Variants in ADAM20 observed in about 807,000 individuals in gnomAD.
ADAM20 encodes disintegrin and metalloproteinase domain-containing protein 20.
For synonymous variants in ADAM20, 305 were observed against 310.2 expected, an observed-to-expected ratio of 0.98 and a Z score of 0.18; for missense variants, 871 against 883.2, an observed-to-expected ratio of 0.99 and a Z score of 0.18.
chr14:70,533,237 A>C (rs1002828317), intron 1 of ADAM20, among the ~76,000 whole-genome samples: 2 of 152,182 alleles, frequency 1.3e-5, no homozygotes, highest in African/African-American at 4.8e-5. Flanking sequence ...TAACCCAGCA[A>C]TCCCATTACT....
chr14:70,536,675 G>T (rs896373837), upstream of ADAM20, among the ~76,000 whole-genome samples: 1 of 151,960 alleles, frequency 6.6e-6, no homozygotes, highest in Non-Finnish European at 1.5e-5. Flanking sequence ...GCTAAGGCCA[G>T]CATGACCATA....
At chr14:70,553,304 T>A in the ADAM20 span, among the ~76,000 whole-genome samples, 47 of 23,948 alleles carry the variant, frequency 2.0e-3, no homozygotes, top group Middle Eastern at 0.042. Flanking sequence ...AAACTTAGAG[T>A]ATAATAAAAA....
chr14:70,526,216 T>A (rs982901763), intron 1 of ADAM20, among the ~76,000 whole-genome samples: 2 of 152,220 alleles, frequency 1.3e-5, no homozygotes, highest in Admixed American at 1.3e-4. Flanking sequence ...GAAATCAAAA[T>A]GTTAAAACAA....
At chr14:70,540,177 C>T in the ADAM20 span, among the ~76,000 whole-genome samples, 1 of 152,152 alleles carries the variant, frequency 6.6e-6, no homozygotes, top group African/African-American at 2.4e-5. Flanking sequence ...CTGTGCCTGG[C>T]CCCTAGCCCT....
the ADAM20 span, among the ~76,000 whole-genome samples, chr14:70,554,429 G>T: frequency 6.6e-6 from 1 of 152,122 alleles, no homozygotes; most frequent in African/African-American, 2.4e-5. Flanking sequence ...AGAGATAACT[G>T]CACTCTCATG....
At chr14:70,535,382 A>G (rs1388970737), upstream of ADAM20, among the ~76,000 whole-genome samples, 1 of 152,228 alleles carries the variant, frequency 6.6e-6, no homozygotes, top group Non-Finnish European at 1.5e-5. Flanking sequence ...ATACATAGAT[A>G]CGTCAAGGGA....
intron 1 of ADAM20, among the ~76,000 whole-genome samples, chr14:70,527,663 T>G (rs1883619192): frequency 6.6e-6 from 1 of 152,162 alleles, no homozygotes; most frequent in South Asian, 2.1e-4. Context: ...TCTCTGTAGA[T>G]CTCACAGAGG....
the ADAM20 span, among the ~76,000 whole-genome samples, chr14:70,576,733 AG>A: frequency 2.0e-5 from 3 of 152,178 alleles, no homozygotes; most frequent in African/African-American, 7.2e-5. Flanking sequence ...AGGGTTGAGG[AG>A]GGACATGAGG....
chr14:70,575,206 A>T, the ADAM20 span, among the ~76,000 whole-genome samples: 1,314 of 150,792 alleles, frequency 8.7e-3, 17 homozygotes, highest in African/African-American at 0.029. Flanking sequence ...ATATATATAT[A>T]TTTTTTGAGG....
chr14:70,553,414 T>C, the ADAM20 span, among the ~76,000 whole-genome samples: 1 of 143,500 alleles, frequency 7.0e-6, no homozygotes. Flanking sequence ...AAAGGGATAC[T>C]TCTAAACTCA....
Position 70,534,959 on chromosome 14 carries a change from G to T in ADAM20, c.-339C>A, listed in dbSNP as rs1427513612. 6.6e-6 allele frequency: 1 copy of T among 152,176 alleles called. No homozygotes were observed. Among genetic ancestry groups the T allele is most frequent in the Admixed American group, 6.5e-5 (1 of 15,278 alleles). 9.4% of individuals were successfully genotyped at this position (152,176 alleles called of 1,614,324 possible). A position where few individuals can be genotyped will look rare whatever the true frequency, so the allele number is the denominator to read the frequency against. On this transcript the variant is annotated 5_prime_UTR_variant, in exon 1 of 2. Coordinates refer to ENST00000256389, the MANE Select transcript of ADAM20 (RefSeq NM_003814.5). ...TGATACCAAAAAAGAAAGATAAAAT[G>T]GGAATCTGAGATTGATGTGGGCATG...
Position 70,522,445 on chromosome 14 carries a change from C to T in ADAM20, c.*132G>A. On this transcript the variant is annotated 3_prime_UTR_variant, in exon 2 of 2. Transcript: ENST00000256389. Reference sequence around the variant, plus strand: ...GAATCCTTTGCTGTGATAGCTAATGCTTGCAATCCTGACATGAAATGTCCA... The same window carrying T: ...GAATCCTTTGCTGTGATAGCTAATGTTTGCAATCCTGACATGAAATGTCCA... The T allele has an allele frequency of 2.2e-6, 2 of 922,544 alleles. No homozygotes were observed. Among genetic ancestry groups the T allele is most frequent in the Non-Finnish European group, 3.2e-6 (2 of 631,830 alleles). The allele number at this position is 922,544 out of a possible 1,614,324, so 57.1% of individuals were successfully genotyped here.
chr14:70,548,774 C>T, the ADAM20 span, among the ~76,000 whole-genome samples: 2 of 88,492 alleles, frequency 2.3e-5, no homozygotes, highest in African/African-American at 9.6e-5. Context: ...GCAAGGCAGG[C>T]CAACGTTCAG....
chr14:70,567,729 T>C, the ADAM20 span, among the ~76,000 whole-genome samples: 1 of 151,914 alleles, frequency 6.6e-6, no homozygotes, highest in South Asian at 2.1e-4. Flanking sequence ...TTGCCTGCCC[T>C]GAACTGGGGT....
At chr14:70,571,062 A>C in the ADAM20 span, among the ~76,000 whole-genome samples, 1 of 152,224 alleles carries the variant, frequency 6.6e-6, no homozygotes, top group African/African-American at 2.4e-5. Context: ...GCATCCCTTC[A>C]TAAAAACCTT....
At chr14:70,546,503 A>T in the ADAM20 span, among the ~76,000 whole-genome samples, 3,329 of 152,236 alleles carry the variant, frequency 0.022, 92 homozygotes, top group East Asian at 0.13. Context: ...TGAGAGACAA[A>T]TGTTTGCATT....
the ADAM20 span, chr14:70,547,564 T>G: frequency 1.1e-5 from 1 of 91,510 alleles, no homozygotes; most frequent in Non-Finnish European, 2.2e-5. Context: ...GAAAATCGGG[T>G]CACTCCCACC....
Position 70,523,554 on chromosome 14 carries a change from C to T in ADAM20, c.1204G>A (p.Gly402Arg). The T allele has an allele frequency of 6.2e-7, 1 of 1,614,078 alleles. No individual in the cohort carries two copies. The highest frequency in any genetic ancestry group is 8.5e-7 in the Non-Finnish European group (1 of 1,179,984). The change falls in exon 2 of 2, where the codon GGG becomes AGG. Residue 402 changes from glycine to arginine, a missense_variant. Physicochemically the swap from Gly to Arg is moderately radical, Grantham distance 125 (BLOSUM62 -2). Coordinates refer to ENST00000256389, the MANE Select transcript of ADAM20 (RefSeq NM_003814.5). ...GLCIQPPPYP[G>R]NIFRLKYCGN... is the part of the protein sequence containing the mutation. ...CAGTACTTCAGTCTAAATATATTCCCTGGATATGGAGGCGGTTGAATACAT... is the reference window on the plus strand; with the variant it reads ...CAGTACTTCAGTCTAAATATATTCCTTGGATATGGAGGCGGTTGAATACAT...
At chr14:70,540,278 T>C in the ADAM20 span, among the ~76,000 whole-genome samples, 1 of 152,198 alleles carries the variant, frequency 6.6e-6, no homozygotes, top group Non-Finnish European at 1.5e-5. Flanking sequence ...CTTCTGGTTG[T>C]CTGTGTGTGG....
Sources: allele counts gnomAD v4.1 joint callset (sites outside exome capture counted in the v4.1 genomes callset), GRCh38; gene constraint gnomAD v4.1.1; transcripts MANE v1.5; gene names NCBI Gene and HGNC (gene_info 2026-07-23, HGNC 2026-07-21).